FHIT: variants seen among roughly 807,000 people sequenced by gnomAD.
FHIT encodes bis(5'-adenosyl)-triphosphatase.
Under a neutral mutation model 17.9 loss-of-function variants are expected in FHIT, and 19 were observed. The ratio of observed to expected loss-of-function variants is 1.06; its 90% CI spans 0.74 to 1.56. FHIT has a LOEUF of 1.56. Ranked by LOEUF, FHIT falls within the 40% of genes most tolerant of loss-of-function variation. FHIT has a pLI of 0.00. For missense variants in FHIT, 248 were observed against 189.2 expected (o/e 1.31, Z -1.82); for synonymous variants, 81 against 69.7 (o/e 1.16, Z -0.81).
chr3:60,836,171 T>C (rs1553743799), intron 3 of FHIT, among the ~76,000 whole-genome samples: 1 of 152,198 alleles, frequency 6.6e-6, no homozygotes, highest in Non-Finnish European at 1.5e-5. Flanking sequence ...TTAGCCTGAA[T>C]CCTGTTTGTT....
At chr3:60,920,198 T>C (rs72889176) in intron 3 of FHIT, among the ~76,000 whole-genome samples, 6,764 of 152,220 alleles carry the variant, frequency 0.044, 521 homozygotes, top group African/African-American at 0.15. Context: ...AATAAATGTA[T>C]GTAAAGCACT....
intron 5 of FHIT, among the ~76,000 whole-genome samples, chr3:60,173,330 G>T (rs1471258361): frequency 6.6e-6 from 1 of 152,158 alleles, no homozygotes; most frequent in African/African-American, 2.4e-5. Flanking sequence ...TGAATCTCAA[G>T]TATCTCTAAT....
intron 8 of FHIT, among the ~76,000 whole-genome samples, chr3:59,785,515 C>T (rs112439575): frequency 8.5e-5 from 13 of 152,052 alleles, no homozygotes; most frequent in African/African-American, 2.7e-4. Flanking sequence ...TTTACCATGT[C>T]GGCCAAGCTG....
intron 4 of FHIT, among the ~76,000 whole-genome samples, chr3:60,725,651 G>C (rs1553709293): frequency 6.6e-6 from 1 of 152,056 alleles, no homozygotes; most frequent in Non-Finnish European, 1.5e-5. Context: ...AAAAACTTTT[G>C]CAATTGGTGT....
intron 8 of FHIT, among the ~76,000 whole-genome samples, chr3:59,855,208 A>G (rs1172924887): frequency 6.6e-6 from 1 of 152,198 alleles, no homozygotes; most frequent in Admixed American, 6.5e-5. Flanking sequence ...TTTTCCTGAT[A>G]TTACTTGGTA....
intron 8 of FHIT, among the ~76,000 whole-genome samples, chr3:59,827,671 G>C (rs969295389): frequency 7.2e-5 from 11 of 152,220 alleles, no homozygotes; most frequent in Non-Finnish European, 1.6e-4. Context: ...TCGGGAATTA[G>C]TGGGGCAACA....
At position 60,569,755 on chromosome 3, in the gene FHIT, A is replaced by ATATATATATATATAT; in HGVS notation, c.-17-32777_-17-32776insATATATATATATATA. On this transcript the variant is annotated intron_variant, in intron 4 of 9. Transcript: ENST00000492590. ...TATATATATATATATATATATATAT[A>ATATATATATATATAT]TTTTTTTTTTTTTTAGACAGAGTTT... Among the ~76,000 whole-genome samples, 210 of 77,320 alleles carry ATATATATATATATAT rather than the reference A, an allele frequency of 2.7e-3. 2 individuals are homozygous for ATATATATATATATAT. The highest frequency in any genetic ancestry group is 8.5e-3 in the East Asian group (16 of 1,890). The allele number at this position is 77,320 out of a possible 152,430, so 50.7% of individuals were successfully genotyped here. A position where few individuals can be genotyped will look rare whatever the true frequency, so the allele number is the denominator to read the frequency against.
At chr3:60,039,638 T>G (rs1297564786) in intron 5 of FHIT, among the ~76,000 whole-genome samples, 2 of 152,238 alleles carry the variant, frequency 1.3e-5, no homozygotes. Flanking sequence ...TTTTCTATAC[T>G]GTTATAATAG....
At chr3:59,787,730 A>C (rs149323381) in intron 8 of FHIT, among the ~76,000 whole-genome samples, 1 of 152,304 alleles carries the variant, frequency 6.6e-6, no homozygotes, top group East Asian at 1.9e-4. Context: ...TTATAACCCA[A>C]TGATGTAGGC....
At chr3:60,346,444 T>A (rs1375505619) in intron 5 of FHIT, among the ~76,000 whole-genome samples, 1 of 152,170 alleles carries the variant, frequency 6.6e-6, no homozygotes, top group Non-Finnish European at 1.5e-5. Flanking sequence ...ATATGTGCAC[T>A]GAGGGAAGTG....
rs561602980 is a variant in FHIT, at chr3:60,225,053, A to T, written c.104-210901T>A. ...TCCGATTTTAAATCAGTACTGGAGT[A>T]ATGCTTGCTAAGAAGTCTTCCCCCC... On this transcript the variant is annotated intron_variant, in intron 5 of 9. Coordinates refer to ENST00000492590, the MANE Select transcript of FHIT (RefSeq NM_002012.4). Among the ~76,000 whole-genome samples the T allele has an allele frequency of 4.6e-5, 7 of 152,184 alleles. No homozygotes were observed. The East Asian group carries it at 9.7e-4, about 21-fold the overall frequency.
chr3:61,175,238 T>C (rs900353671), intron 2 of FHIT, among the ~76,000 whole-genome samples: 1 of 152,012 alleles, frequency 6.6e-6, no homozygotes, highest in Non-Finnish European at 1.5e-5. Flanking sequence ...TTAACAGTAG[T>C]TCAAGTAATT....
intron 5 of FHIT, among the ~76,000 whole-genome samples, chr3:60,411,402 T>A (rs1323523710): frequency 6.6e-6 from 1 of 152,124 alleles, no homozygotes; most frequent in Non-Finnish European, 1.5e-5. Flanking sequence ...CCACTTAATG[T>A]GTCTAGAAGG....
At chr3:61,135,582 AAC>A (rs10575654) in intron 2 of FHIT, among the ~76,000 whole-genome samples, 83,082 of 151,126 alleles carry the variant, frequency 0.55, 24,655 homozygotes, top group East Asian at 0.85. Context: ...CTTGTGTTCG[AAC>A]ACACACACAC....
intron 1 of FHIT, among the ~76,000 whole-genome samples, chr3:61,208,256 AGGTGT>A (rs1207132120): frequency 6.6e-6 from 1 of 152,106 alleles, no homozygotes; most frequent in Admixed American, 6.5e-5. Context: ...ATTTCAGAAT[AGGTGT>A]GGTGTGGTGC....
chr3:60,773,396 C>T (rs6772782), intron 4 of FHIT, among the ~76,000 whole-genome samples: 25,623 of 152,074 alleles, frequency 0.17, 3,313 homozygotes, highest in African/African-American at 0.37. Context: ...ATCTGATACC[C>T]GTCAATGCAA....
At chr3:60,544,959 AAG>A (rs1334376608) in intron 4 of FHIT, among the ~76,000 whole-genome samples, 5 of 152,160 alleles carry the variant, frequency 3.3e-5, no homozygotes, top group Admixed American at 2.6e-4. Flanking sequence ...TTTTGTTCCA[AAG>A]AGAGTTTATT....
chr3:60,946,548 G>T (rs1391922449), intron 3 of FHIT, among the ~76,000 whole-genome samples: 6 of 152,124 alleles, frequency 3.9e-5, no homozygotes, highest in African/African-American at 1.4e-4. Flanking sequence ...GATAGACCAG[G>T]TATGAGTATT....
intron 5 of FHIT, among the ~76,000 whole-genome samples, chr3:60,190,146 C>A (rs906359472): frequency 1.3e-5 from 2 of 152,132 alleles, no homozygotes; most frequent in African/African-American, 4.8e-5. Context: ...CAATCTTAAA[C>A]AGACCTGCAA....
Sources: gnomAD v4.1 joint callset for allele counts (sites outside exome capture counted in the v4.1 genomes callset) on GRCh38, gnomAD v4.1.1 for gene constraint, MANE v1.5 for transcripts, NCBI Gene and HGNC (gene_info 2026-07-23, HGNC 2026-07-21) for gene names.